RREB1: variants seen among roughly 807,000 people sequenced by gnomAD.
The protein encoded by RREB1 is ras-responsive element-binding protein 1.
In RREB1, 27 loss-of-function variants were observed where a neutral mutation model predicts 117.8. The observed-to-expected ratio is 0.23, with a 90% CI of 0.17 to 0.32. The LOEUF (loss-of-function observed/expected upper bound fraction) is 0.32, where lower values mean the gene tolerates loss of function less well. Ranked by LOEUF, RREB1 falls within the 10% of genes least tolerant of loss-of-function variation. RREB1 has a pLI of 1.00. For missense variants in RREB1, 2,577 were observed against 2,378.2 expected (o/e 1.08, Z -1.74); for synonymous variants, 1,298 against 1,026.7 (o/e 1.26, Z -5.05).
rs541075260 is a variant in RREB1 at position 7,114,473 on chromosome 6, G to C, written c.-285+6413G>C. Among the ~76,000 whole-genome samples the C allele has an allele frequency of 9.6e-4, 146 of 152,032 alleles. 3 individuals carry two copies. The highest frequency in any genetic ancestry group is 9.3e-4 in the Non-Finnish European group (63 of 67,980). ...ACATTTTTAAGTGTTTCTGGTGGGG[G>C]GGGGGGCGGCAGCGGGGAGCTGCTA... On this transcript the variant is annotated intron_variant, in intron 1 of 12. Coordinates refer to ENST00000379938, the MANE Select transcript of RREB1 (RefSeq NM_001003699.4).
intron 8 of RREB1, chr6:7,213,398 T>C (rs1237813974): frequency 6.6e-6 from 1 of 152,220 alleles, no homozygotes; most frequent in Non-Finnish European, 1.5e-5. Context: ...ACTCCTGACC[T>C]CTGGTGATCT....
chr6:7,245,027 C>T (rs546612613), intron 11 of RREB1, among the ~76,000 whole-genome samples: 2 of 152,208 alleles, frequency 1.3e-5, no homozygotes, highest in Non-Finnish European at 2.9e-5. Context: ...GAGGGAGGGG[C>T]ATCTCGTACT....
At chr6:7,147,329 G>A (rs1027272387) in intron 1 of RREB1, among the ~76,000 whole-genome samples, 3 of 152,226 alleles carry the variant, frequency 2.0e-5, no homozygotes, top group Admixed American at 1.3e-4. Context: ...TCAGCTTGGA[G>A]TGCGCAGCAT....
At chr6:7,169,378 C>G (rs1295060753) in intron 1 of RREB1, among the ~76,000 whole-genome samples, 1 of 152,218 alleles carries the variant, frequency 6.6e-6, no homozygotes, top group Admixed American at 6.5e-5. Context: ...CATAGTCCAC[C>G]TTGGGCACCC....
chr6:7,159,190 AC>A (rs1462305283), intron 1 of RREB1, among the ~76,000 whole-genome samples: 2 of 152,194 alleles, frequency 1.3e-5, no homozygotes, highest in African/African-American at 4.8e-5. Context: ...TGCAAAACAA[AC>A]ATTCTCCGTA....
chr6:7,230,692 C>G lies in RREB1; in HGVS notation c.2593C>G (p.Pro865Ala). ...DCKPLTAFLE[P>A]QNGFLHRGPT... ...CAAGCCCCTCACTGCCTTCCTGGAACCCCAGAACGGCTTTCTTCACAGGGG... is the reference window on the plus strand; with the variant it reads ...CAAGCCCCTCACTGCCTTCCTGGAAGCCCAGAACGGCTTTCTTCACAGGGG... Residue 865 changes from proline (P) to alanine (A), a missense_variant, in exon 10 of 13, where the codon CCC (proline) becomes GCC (alanine). Coordinates refer to ENST00000379938, the MANE Select transcript of RREB1 (RefSeq NM_001003699.4). 6.3e-7 allele frequency: 1 copy of G among 1,593,832 alleles called. No individual in the cohort carries two copies. The highest frequency in any genetic ancestry group is 2.2e-5 in the East Asian group (1 of 44,636).
At chr6:7,149,318 C>T (rs1763011145) in intron 1 of RREB1, among the ~76,000 whole-genome samples, 2 of 152,044 alleles carry the variant, frequency 1.3e-5, no homozygotes, top group South Asian at 4.2e-4. Flanking sequence ...ACCAAAGATC[C>T]CTAGGTACCA....
chr6:7,175,051 T>G (rs1764433256), intron 1 of RREB1, among the ~76,000 whole-genome samples: 1 of 152,218 alleles, frequency 6.6e-6, no homozygotes, highest in Non-Finnish European at 1.5e-5. Flanking sequence ...GGGCTATTCC[T>G]CTTCAGGCTT....
intron 1 of RREB1, 144 bp from the exon 2 acceptor site, chr6:7,176,511 C>T (rs2326880): frequency 0.15 from 22,704 of 152,682 alleles, 1,796 homozygotes; most frequent in East Asian, 0.25. Flanking sequence ...TGGAATCAGC[C>T]TGGCTCCTGG....
Position 7,246,876 on chromosome 6 carries a change from A to G in RREB1, c.4426A>G (p.Lys1476Glu). The G allele has an allele frequency of 6.4e-7, 1 of 1,552,494 alleles. No homozygotes were observed. The highest frequency in any genetic ancestry group is 8.7e-7 in the Non-Finnish European group (1 of 1,148,312). Residue 1476 changes from lysine to glutamate, a missense_variant, in exon 12 of 13, where the codon AAG (lysine) becomes GAG (glutamate). By Grantham distance (56) the Lys-to-Glu change is moderately conservative. Coordinates refer to ENST00000379938, the MANE Select transcript of RREB1 (RefSeq NM_001003699.4). ...HRKAHGRQEP[K>E]DEKGDGASTA... is the part of the protein sequence containing the mutation. The stretch of plus-strand genomic sequence containing the variant: ...GAAGGCGCACGGCCGCCAGGAGCCC[A>G]AGGACGAGAAGGGAGATGGCGCCAG...
At chr6:7,152,961 T>G (rs1763187024) in intron 1 of RREB1, among the ~76,000 whole-genome samples, 1 of 152,164 alleles carries the variant, frequency 6.6e-6, no homozygotes, top group South Asian at 2.1e-4. Context: ...CTTACATACT[T>G]CTTAGTTCCC....
At chr6:7,212,730 A>G (rs906721527) in intron 8 of RREB1, 1 of 152,156 alleles carries the variant, frequency 6.6e-6, no homozygotes, top group Admixed American at 6.5e-5. Context: ...TCCCTGATAT[A>G]TGGACCAGAT....
At chr6:7,180,655 C>T (rs1764741189) in intron 2 of RREB1, among the ~76,000 whole-genome samples, 1 of 152,188 alleles carries the variant, frequency 6.6e-6, no homozygotes, top group Non-Finnish European at 1.5e-5. Flanking sequence ...CCATAGTTTT[C>T]CCTTTGGTCA....
chr6:7,200,176 T>C (rs1024790663), intron 6 of RREB1, among the ~76,000 whole-genome samples: 4 of 152,058 alleles, frequency 2.6e-5, no homozygotes, highest in Non-Finnish European at 5.9e-5. Flanking sequence ...GCACAGCTTA[T>C]TTTATATATA....
Position 7,229,489 on chromosome 6 carries a change from G to T in RREB1, c.1390G>T (p.Ala464Ser), listed in dbSNP as rs749920959. ...GGTCAAGCCCATCTCTGGCGAGTCG[G>T]CCATCGAGCTGGCAGACATCCAGCA... Reference protein sequence around the residue: ...IVVKPISGESAIELADIQQIL... With the variant: ...IVVKPISGESSIELADIQQIL... Residue 464 changes from alanine to serine, a missense_variant, in exon 10 of 13, where the codon GCC (alanine) becomes TCC (serine). Ala to Ser is a moderately conservative substitution (Grantham distance 99). Transcript: ENST00000379938. This position sits in a 1 kb window ranked among gnomAD's most constrained non-coding sequence, Gnocchi z 4.5. The T allele has an allele frequency of 6.2e-7, 1 of 1,614,122 alleles. No individual in the cohort carries two copies. Among genetic ancestry groups the T allele is most frequent in the South Asian group, 1.1e-5 (1 of 91,082 alleles).
At chr6:7,218,923 G>C (rs1471506377) in intron 8 of RREB1, 1 of 151,104 alleles carries the variant, frequency 6.6e-6, no homozygotes, top group Non-Finnish European at 1.5e-5. Context: ...TAGGCAGACT[G>C]TGTAGCACAG....
At chr6:7,212,265 A>G (rs1766653403) in intron 8 of RREB1, 1 of 152,286 alleles carries the variant, frequency 6.6e-6, no homozygotes, top group African/African-American at 2.4e-5. Context: ...ATGTTTCAAT[A>G]AAAAAGTGAC....
chr6:7,188,535 T>C (rs1031050523), intron 5 of RREB1, among the ~76,000 whole-genome samples: 3 of 151,958 alleles, frequency 2.0e-5, no homozygotes, highest in Non-Finnish European at 2.9e-5. Context: ...TCCTTTATTA[T>C]GAGATTTACC....
intron 1 of RREB1, among the ~76,000 whole-genome samples, chr6:7,121,484 C>G (rs1450895803): frequency 6.6e-6 from 1 of 152,122 alleles, no homozygotes; most frequent in African/African-American, 2.4e-5. Context: ...ACCCGATGCC[C>G]TTAATATATT....
Sources: allele counts gnomAD v4.1 joint callset (sites outside exome capture counted in the v4.1 genomes callset), GRCh38; gene constraint gnomAD v4.1.1; non-coding constraint Gnocchi (gnomAD v3.1); transcripts MANE v1.5; gene names NCBI Gene and HGNC (gene_info 2026-07-23, HGNC 2026-07-21).